SPATA3: variants seen among roughly 807,000 people sequenced by gnomAD.
SPATA3 encodes the protein spermatogenesis associated 3.
SPATA3 carries 6 observed loss-of-function variants against 5.7 expected under a neutral mutation model. The ratio of observed to expected loss-of-function variants is 1.06; its 90% CI spans 0.58 to 2.09. The LOEUF (loss-of-function observed/expected upper bound fraction) is 2.09, where lower values mean the gene tolerates loss of function less well. SPATA3 is among the 30% of genes most tolerant of loss of function. SPATA3 has a pLI of 0.00. For synonymous variants in SPATA3, 44 were observed against 48.4 expected, an observed-to-expected ratio of 0.91 and a Z score of 0.37; for missense variants, 155 against 130.4, an observed-to-expected ratio of 1.19 and a Z score of -0.92.
chr2:231,009,482 C>G (rs1692725489), downstream of SPATA3, among the ~76,000 whole-genome samples: 1 of 152,152 alleles, frequency 6.6e-6, no homozygotes, highest in Admixed American at 6.5e-5. Context: ...GTAGTGAAGG[C>G]CAAGAATGCA....
chr2:231,004,537 G>A (rs1022526501), downstream of SPATA3, among the ~76,000 whole-genome samples: 3 of 152,178 alleles, frequency 2.0e-5, no homozygotes, highest in African/African-American at 7.2e-5. Flanking sequence ...ATGGTTTTGA[G>A]GATTGACTGA....
chr2:231,006,707 C>T (rs1269086685), downstream of SPATA3: 1 of 152,112 alleles, frequency 6.6e-6, no homozygotes, highest in Non-Finnish European at 1.5e-5. Context: ...GTTTGATGTC[C>T]TTCCCTGTCC....
At chr2:231,008,713 C>T (rs1478771739), downstream of SPATA3, among the ~76,000 whole-genome samples, 1 of 152,208 alleles carries the variant, frequency 6.6e-6, no homozygotes, top group Non-Finnish European at 1.5e-5. Context: ...CTTTTTCTGG[C>T]ATATTGAGGT....
downstream of SPATA3, among the ~76,000 whole-genome samples, chr2:231,003,062 T>A (rs1230142706): frequency 1.3e-5 from 2 of 152,138 alleles, no homozygotes; most frequent in Non-Finnish European, 2.9e-5. Context: ...TCATGGACCC[T>A]GGACAAGAGG....
chr2:230,996,302 C>A, intron 1 of SPATA3: 1 of 1,550,824 alleles, frequency 6.4e-7, no homozygotes. Context: ...AGCATGCTAG[C>A]TCCAATTCCA....
intron 2 of SPATA3, among the ~76,000 whole-genome samples, chr2:231,001,236 G>A (rs1244997082): frequency 1.3e-5 from 2 of 152,088 alleles, no homozygotes; most frequent in African/African-American, 4.8e-5. Context: ...ATCCATGCAG[G>A]GAACAGACTG....
chr2:231,019,493 T>C (rs1386729441), intron 6 of SPATA3, among the ~76,000 whole-genome samples: 1 of 149,276 alleles, frequency 6.7e-6, no homozygotes, highest in African/African-American at 2.5e-5. Flanking sequence ...CTGGCTAATT[T>C]TTTTGTATTT....
chr2:230,996,144 CT>C, intron 1 of SPATA3: 1 of 1,407,068 alleles, frequency 7.1e-7, no homozygotes, highest in Admixed American at 2.5e-5. Flanking sequence ...AGCCAGGCTC[CT>C]AGGGCAGAGG....
intron 6 of SPATA3, among the ~76,000 whole-genome samples, chr2:231,018,784 C>G (rs944096775): frequency 6.6e-6 from 1 of 151,680 alleles, no homozygotes; most frequent in African/African-American, 2.4e-5. Flanking sequence ...TTCCCAGGTT[C>G]AAGCATTCTC....
At chr2:231,019,213 C>T (rs1222786601) in intron 6 of SPATA3, among the ~76,000 whole-genome samples, 1 of 151,042 alleles carries the variant, frequency 6.6e-6, no homozygotes, top group Non-Finnish European at 1.5e-5. Flanking sequence ...TTGTGATCCG[C>T]CCACCTTGGC....
downstream of SPATA3, among the ~76,000 whole-genome samples, chr2:231,007,709 A>G (rs1369723703): frequency 6.6e-6 from 1 of 152,196 alleles, no homozygotes; most frequent in African/African-American, 2.4e-5. Context: ...GCAGCCTGCC[A>G]TGCAGCCTTG....
chr2:231,010,353 CA>C (rs369852756), downstream of SPATA3, among the ~76,000 whole-genome samples: 41 of 152,322 alleles, frequency 2.7e-4, no homozygotes, highest in East Asian at 7.9e-3. Context: ...GTGGGGAACC[CA>C]GCAAGGCCTG....
At chr2:231,011,094 A>AAG (rs777093528), downstream of SPATA3, among the ~76,000 whole-genome samples, 37 of 135,360 alleles carry the variant, frequency 2.7e-4, 1 homozygote, top group African/African-American at 8.9e-4. Flanking sequence ...AAAAAAGAAA[A>AAG]GAAAAAGAAA....
At position 231,015,630 on chromosome 2, in the gene SPATA3, C is replaced by T. The variant is rs540061377; in HGVS notation, c.*565+1418C>T. ...CTCATGCAAAGCAGCTCCCTGGAAA[C>T]CTCCAGAGGAGAAGTGACTCAACAC... On this transcript the variant is annotated intron_variant, in intron 6 of 8. Transcript: ENST00000452881. Among the ~76,000 whole-genome samples the T allele has an allele frequency of 7.9e-5, 12 of 152,356 alleles. No individual in the cohort carries two copies. The South Asian group carries it at 2.5e-3, about 32-fold the overall frequency.
At chr2:231,002,826 A>C, downstream of SPATA3, 4 of 1,323,774 alleles carry the variant, frequency 3.0e-6, no homozygotes, top group Non-Finnish European at 4.0e-6. Flanking sequence ...ACAGTCTGGC[A>C]GGTATGTTGA....
At chr2:231,007,316 A>C (rs760595260), downstream of SPATA3, 7 of 152,060 alleles carry the variant, frequency 4.6e-5, no homozygotes, top group Non-Finnish European at 8.8e-5. Flanking sequence ...TTACTTAGAG[A>C]CATAAAAGTT....
intron 6 of SPATA3, among the ~76,000 whole-genome samples, chr2:231,019,093 A>C (rs1306968759): frequency 6.7e-6 from 1 of 148,750 alleles, no homozygotes; most frequent in East Asian, 2.0e-4. Context: ...CAGCCCCCTG[A>C]GTAGCTGCGA....
rs1692398580 is a variant in SPATA3 at position 231,002,675 on chromosome 2, G to A, written c.963-9G>A. The A allele has an allele frequency of 6.0e-6, 9 of 1,491,862 alleles. No homozygotes were observed. The highest frequency in any genetic ancestry group is 8.1e-6 in the Non-Finnish European group (9 of 1,115,658). The allele number at this position is 1,491,862 out of a possible 1,614,324, so 92.4% of individuals were successfully genotyped here. A position where few individuals can be genotyped will look rare whatever the true frequency, so the allele number is the denominator to read the frequency against. ...TTCCCACCACCCCCACTTCTGCTTT[G>A]CTCTACAGAAAATCTTCAAGAAAAC... On this transcript the variant is annotated splice_polypyrimidine_tract_variant and intron_variant, in intron 2 of 2. Transcript: ENST00000645363.
chr2:231,008,596 G>T (rs577169122), downstream of SPATA3, among the ~76,000 whole-genome samples: 1 of 152,214 alleles, frequency 6.6e-6, no homozygotes, highest in African/African-American at 2.4e-5. Flanking sequence ...GGAGTTGCGT[G>T]GGGTCGTGTT....
Sources: allele counts gnomAD v4.1 joint callset (sites outside exome capture counted in the v4.1 genomes callset), GRCh38; gene constraint gnomAD v4.1.1; transcripts MANE v1.5; gene names NCBI Gene and HGNC (gene_info 2026-07-23, HGNC 2026-07-21).